The following ZNF704 variants were observed in gnomAD, a reference collection of about 807,000 sequenced individuals.
ZNF704 encodes the protein zinc finger protein 704.
A neutral mutation model predicts 44.7 loss-of-function variants in ZNF704; 10 were observed. The observed-to-expected ratio is 0.22, with a 90% CI of 0.14 to 0.38. The LOEUF (loss-of-function observed/expected upper bound fraction) is 0.38, where lower values mean the gene tolerates loss of function less well. ZNF704 is among the 10% of genes least tolerant of loss of function. The pLI, the probability that ZNF704 is intolerant of heterozygous loss-of-function variation, is 1.00. For synonymous variants in ZNF704, 211 were observed against 207.6 expected (o/e 1.02, Z -0.14); for missense variants, 390 against 545.5 (o/e 0.71, Z 2.84).
intron 2 of ZNF704, among the ~76,000 whole-genome samples, chr8:80,728,771 GGCTCCTA>G (rs1806526967): frequency 6.6e-6 from 1 of 152,080 alleles, no homozygotes; most frequent in Non-Finnish European, 1.5e-5. Flanking sequence ...TCTGAATTGT[GGCTCCTA>G]AACTCACTTT....
At chr8:80,871,373 G>C (rs1462741203) in intron 1 of ZNF704, among the ~76,000 whole-genome samples, 2 of 152,020 alleles carry the variant, frequency 1.3e-5, no homozygotes, top group Admixed American at 1.3e-4. Context: ...CTCAAGACTT[G>C]CAACTGCTAC....
In ZNF704 at chr8:80,692,894, T is replaced by TG. The variant is rs1469648538; in HGVS notation, c.325+109dup. 4 of 934,696 alleles carry TG rather than the reference T, an allele frequency of 4.3e-6. No homozygotes were observed. The East Asian group carries it at 1.0e-4, about 24-fold the overall frequency. The allele number at this position is 934,696 out of a possible 1,614,324, so 57.9% of individuals were successfully genotyped here. A position where few individuals can be genotyped will look rare whatever the true frequency, so the allele number is the denominator to read the frequency against. ...CACGTTTCTCTTTGCTTCCTGCTAA[T>TG]GGGTGAGGGTCAGTGGTTCATAGCG... On this transcript the variant is annotated intron_variant, in intron 3 of 8. Transcript: ENST00000327835.
At chr8:80,799,642 C>G (rs781605399) in intron 2 of ZNF704, among the ~76,000 whole-genome samples, 11 of 152,084 alleles carry the variant, frequency 7.2e-5, no homozygotes, top group Admixed American at 2.0e-4. Flanking sequence ...AAAGACCCCA[C>G]AAAAACCCCA....
chr8:80,757,959 C>A (rs1416724531), intron 2 of ZNF704, among the ~76,000 whole-genome samples: 1 of 152,124 alleles, frequency 6.6e-6, no homozygotes, highest in Non-Finnish European at 1.5e-5. Flanking sequence ...ATGCCTATCC[C>A]CATAGTTAAG....
At chr8:80,698,439 G>GTTCA (rs1818758631) in intron 2 of ZNF704, among the ~76,000 whole-genome samples, 1 of 152,168 alleles carries the variant, frequency 6.6e-6, no homozygotes, top group Non-Finnish European at 1.5e-5. Context: ...ATGAAGTGCA[G>GTTCA]TGTGCTTGGG....
intron 7 of ZNF704, among the ~76,000 whole-genome samples, chr8:80,655,205 G>A (rs1817995127): frequency 6.6e-6 from 1 of 151,880 alleles, no homozygotes; most frequent in African/African-American, 2.4e-5. Flanking sequence ...GGGCGGGGGA[G>A]GGATAGCATT....
chr8:80,862,655 C>T (rs1356299128), intron 1 of ZNF704, among the ~76,000 whole-genome samples: 1 of 146,008 alleles, frequency 6.8e-6, no homozygotes, highest in Non-Finnish European at 1.5e-5. Context: ...ATCCCAGCTA[C>T]TTGGGAGGCT....
chr8:80,841,852 T>C (rs1362067679), intron 1 of ZNF704, among the ~76,000 whole-genome samples: 8 of 152,184 alleles, frequency 5.3e-5, no homozygotes, highest in Non-Finnish European at 8.8e-5. Flanking sequence ...TGCAGTGGCA[T>C]GATCATAGCT....
intron 4 of ZNF704, among the ~76,000 whole-genome samples, chr8:80,683,116 C>CATG (rs1818479734): frequency 6.6e-6 from 1 of 152,176 alleles, no homozygotes; most frequent in African/African-American, 2.4e-5. Context: ...GTCACTGCAT[C>CATG]ACCTTGTGGT....
chr8:80,693,790 G>A (rs1007847533), intron 2 of ZNF704, among the ~76,000 whole-genome samples: 1 of 152,216 alleles, frequency 6.6e-6, no homozygotes, highest in African/African-American at 2.4e-5. Context: ...CAGTGGCCAT[G>A]GAAGGTGTTT....
chr8:80,700,305 GAA>G (rs1293835743), intron 2 of ZNF704, among the ~76,000 whole-genome samples: 1 of 152,164 alleles, frequency 6.6e-6, no homozygotes, highest in African/African-American at 2.4e-5. Flanking sequence ...GAGCTGGAGA[GAA>G]AAGACGTTGC....
intron 1 of ZNF704, among the ~76,000 whole-genome samples, chr8:80,827,794 C>T (rs1347016537): frequency 6.6e-6 from 1 of 152,118 alleles, no homozygotes; most frequent in South Asian, 2.1e-4. Flanking sequence ...TGATCTTTGA[C>T]AAAACTGACA....
rs145589578 is a variant in ZNF704 at position 80,855,731 on chromosome 8, T to C, written c.-22+18840A>G. On this transcript the variant is annotated intron_variant, in intron 1 of 8. Coordinates refer to ENST00000327835, the MANE Select transcript of ZNF704 (RefSeq NM_001033723.3). ...TCTGACTTCACCACTATACAATCTA[T>C]GGATGTAACAAAACTACAATTGTAC... Among the ~76,000 whole-genome samples the C allele has an allele frequency of 2.3e-3, 343 of 152,216 alleles. 2 individuals are homozygous for C. Among genetic ancestry groups the C allele is most frequent in the African/African-American group, 7.9e-3 (327 of 41,518 alleles).
chr8:80,763,109 G>A (rs975929501), intron 2 of ZNF704, among the ~76,000 whole-genome samples: 7 of 152,224 alleles, frequency 4.6e-5, no homozygotes, highest in African/African-American at 1.7e-4. Context: ...CTGGCATTGA[G>A]TGTCTGCAGC....
At chr8:80,680,482 G>C (rs1486962127) in intron 4 of ZNF704, among the ~76,000 whole-genome samples, 4 of 151,946 alleles carry the variant, frequency 2.6e-5, no homozygotes, top group Non-Finnish European at 5.9e-5. Flanking sequence ...GACAGAGAGG[G>C]CCAAGTTATT....
upstream of ZNF704, among the ~76,000 whole-genome samples, chr8:80,875,513 A>G (rs1586093217): frequency 6.6e-6 from 1 of 152,284 alleles, no homozygotes. Context: ...CATGTTGGCC[A>G]GGCTGGTCTC....
At chr8:80,759,268 C>CA (rs1563543744) in intron 2 of ZNF704, among the ~76,000 whole-genome samples, 1 of 147,528 alleles carries the variant, frequency 6.8e-6, no homozygotes, top group Admixed American at 6.8e-5. Flanking sequence ...TAAGCCTGAG[C>CA]TTTTTTTTCC....
intron 6 of ZNF704, among the ~76,000 whole-genome samples, chr8:80,661,791 G>A (rs2131606899): frequency 6.6e-6 from 1 of 152,290 alleles, no homozygotes; most frequent in South Asian, 2.1e-4. Context: ...ATGGGGAAGG[G>A]TGTGATGGGA....
chr8:80,722,700 T>C (rs1806393593), intron 2 of ZNF704, among the ~76,000 whole-genome samples: 1 of 152,210 alleles, frequency 6.6e-6, no homozygotes, highest in Non-Finnish European at 1.5e-5. Context: ...ATAATGCATT[T>C]TTAGACTCCT....
Sources: gnomAD v4.1 joint callset for allele counts (sites outside exome capture counted in the v4.1 genomes callset) on GRCh38, gnomAD v4.1.1 for gene constraint, MANE v1.5 for transcripts, NCBI Gene and HGNC (gene_info 2026-07-23, HGNC 2026-07-21) for gene names.